CMIP: variants seen among roughly 807,000 people sequenced by gnomAD.
CMIP encodes C-Maf-inducing protein.
A neutral mutation model predicts 97.3 loss-of-function variants in CMIP; 13 were observed. That is an observed-to-expected ratio of 0.13 (90% CI 0.09 to 0.21). The LOEUF is 0.21. Ranked by LOEUF, CMIP falls within the 10% of genes least tolerant of loss-of-function variation. CMIP has a pLI of 1.00. For missense variants in CMIP, 847 were observed against 1,024.9 expected, an observed-to-expected ratio of 0.83 and a Z score of 2.37; for synonymous variants, 538 against 436.3, an observed-to-expected ratio of 1.23 and a Z score of -2.91.
chr16:81,458,737 C>T (rs1053400685), intron 1 of CMIP, among the ~76,000 whole-genome samples: 1 of 152,106 alleles, frequency 6.6e-6, no homozygotes, highest in Non-Finnish European at 1.5e-5. Flanking sequence ...GCTTTTTGAT[C>T]CAGACATTTC....
intron 17 of CMIP, 140 bp from the exon 18 acceptor site, chr16:81,703,799 T>G: frequency 8.6e-7 from 1 of 1,164,222 alleles, no homozygotes; most frequent in Non-Finnish European, 1.2e-6. Context: ...TGTGCCCCCA[T>G]CTCAGCTCCT....
At chr16:81,486,366 G>A (rs1262883838) in intron 1 of CMIP, among the ~76,000 whole-genome samples, 1 of 152,174 alleles carries the variant, frequency 6.6e-6, no homozygotes, top group Non-Finnish European at 1.5e-5. Flanking sequence ...AGATATGATC[G>A]CGCCCATTTG....
rs185295660 is a variant in CMIP, at chr16:81,604,500, C to A, written c.301-3067C>A. Among the ~76,000 whole-genome samples, 1,251 of 151,416 alleles carry A rather than the reference C, an allele frequency of 8.3e-3. 8 individuals carry two copies. The highest frequency in any genetic ancestry group is 0.014 in the Non-Finnish European group (952 of 67,948). ...GGATCACAAGGTCAGGAGTTCAAGACCAGCCTGGCCAAGATGGTGAAACCC... is the reference window on the plus strand; with the variant it reads ...GGATCACAAGGTCAGGAGTTCAAGAACAGCCTGGCCAAGATGGTGAAACCC... On this transcript the variant is annotated intron_variant, in intron 1 of 20. Transcript: ENST00000537098.
At chr16:81,485,807 G>A (rs1251583142) in intron 1 of CMIP, among the ~76,000 whole-genome samples, 4 of 152,232 alleles carry the variant, frequency 2.6e-5, no homozygotes, top group Admixed American at 2.0e-4. Flanking sequence ...GGAAGCTGAG[G>A]CGAAAGAGCT....
Position 81,668,431 on chromosome 16 carries a change from C to A in CMIP, c.826-1711C>A, listed in dbSNP as rs561264568. Among the ~76,000 whole-genome samples, 171 of 152,308 alleles carry A rather than the reference C, an allele frequency of 1.1e-3. 1 individual carries two copies. The highest frequency in any genetic ancestry group is 2.0e-3 in the Non-Finnish European group (138 of 68,012). The stretch of plus-strand genomic sequence containing the variant: ...CTGCTCCTGGCAAGCCCCAAGCCCC[C>A]CACTGGGCTGGGCGCCGACTTCCTG... On this transcript the variant is annotated intron_variant, in intron 7 of 20. Transcript: ENST00000537098.
intron 1 of CMIP, among the ~76,000 whole-genome samples, chr16:81,531,923 A>G (rs940695241): frequency 4.6e-5 from 7 of 152,178 alleles, no homozygotes; most frequent in South Asian, 4.1e-4. Context: ...ATTTGCTTAC[A>G]TGGGTTTGGT....
At chr16:81,669,766 C>T (rs1218181105) in intron 7 of CMIP, among the ~76,000 whole-genome samples, 1 of 151,644 alleles carries the variant, frequency 6.6e-6, no homozygotes, top group African/African-American at 2.4e-5. Flanking sequence ...CCTTCCACAC[C>T]CACCTCTCAC....
chr16:81,600,502 A>C (rs570430828), intron 1 of CMIP, among the ~76,000 whole-genome samples: 1 of 152,184 alleles, frequency 6.6e-6, no homozygotes, highest in African/African-American at 2.4e-5. Flanking sequence ...GCCACAAAGT[A>C]TGTGATGTCA....
At chr16:81,490,907 C>G (rs1362158439) in intron 1 of CMIP, among the ~76,000 whole-genome samples, 6 of 152,130 alleles carry the variant, frequency 3.9e-5, no homozygotes, top group African/African-American at 1.4e-4. Flanking sequence ...ACACTTTCTC[C>G]TTTTATCTAG....
In CMIP at chr16:81,616,489, G is replaced by A. The variant is rs1257187748; in HGVS notation, c.427-4387G>A. On this transcript the variant is annotated intron_variant, in intron 2 of 20. Coordinates refer to ENST00000537098, the MANE Select transcript of CMIP (RefSeq NM_198390.3). This position sits in a 1 kb window ranked among gnomAD's most constrained non-coding sequence, Gnocchi z 4.7. ...AGCATTTCTCGTGGTGCCTGGTACC[G>A]AGTAAGCACCCGTGGTCTGTGGTTG... is the stretch of plus-strand genomic sequence containing the variant. Among the ~76,000 whole-genome samples, 10 of 152,262 alleles carry A rather than the reference G, an allele frequency of 6.6e-5. No individual in the cohort carries two copies. The highest frequency in any genetic ancestry group is 1.4e-4 in the African/African-American group (6 of 41,476).
At position 81,607,628 on chromosome 16, in the gene CMIP, C is replaced by G. The variant is rs1009472922; in HGVS notation, c.362C>G (p.Ser121Cys). The G allele has an allele frequency of 1.9e-6, 3 of 1,613,914 alleles. No homozygotes were observed. The African/African-American group carries it at 4.0e-5, about 22-fold the overall frequency. Residue 121 changes from serine (S) to cysteine (C), a missense_variant, in exon 2 of 21, where the codon TCC becomes TGC. By Grantham distance (112) the Ser-to-Cys change is moderately radical (BLOSUM62 -1). Coordinates refer to ENST00000537098, the MANE Select transcript of CMIP (RefSeq NM_198390.3). ...YSAIEDVQLL[S>C]WENAPKYCLQ... The stretch of plus-strand genomic sequence containing the variant: ...GCAATTGAAGACGTTCAGCTGCTGT[C>G]CTGGGAGAATGCCCCGAAGTACTGT...
intron 1 of CMIP, among the ~76,000 whole-genome samples, chr16:81,466,478 C>T (rs1241383287): frequency 6.6e-6 from 1 of 152,174 alleles, no homozygotes; most frequent in Non-Finnish European, 1.5e-5. Flanking sequence ...ATGATCTTGG[C>T]AATGGTTTTG....
At chr16:81,634,016 C>A (rs543714193) in intron 3 of CMIP, among the ~76,000 whole-genome samples, 2 of 152,208 alleles carry the variant, frequency 1.3e-5, no homozygotes, top group Non-Finnish European at 2.9e-5. Flanking sequence ...GATTTTGAAC[C>A]GGTAGCTCAG....
chr16:81,683,258 T>G (rs977405896), intron 10 of CMIP, among the ~76,000 whole-genome samples: 7 of 152,042 alleles, frequency 4.6e-5, no homozygotes, highest in African/African-American at 1.7e-4. Context: ...GCCACAGGGG[T>G]AGGACGCGCT....
intron 1 of CMIP, among the ~76,000 whole-genome samples, chr16:81,585,925 A>T (rs1291653528): frequency 6.6e-6 from 1 of 151,626 alleles, no homozygotes; most frequent in African/African-American, 2.4e-5. Context: ...AGCACTGATC[A>T]CCTCCCCCAT....
chr16:81,504,660 A>AAAG (rs1555524038), intron 1 of CMIP, among the ~76,000 whole-genome samples: 66 of 139,352 alleles, frequency 4.7e-4, no homozygotes, highest in Middle Eastern at 3.8e-3. Context: ...AAAAAAAAAA[A>AAAG]AAAAAAGAAA....
chr16:81,667,679 A>G (rs2092618599), intron 7 of CMIP, among the ~76,000 whole-genome samples: 2 of 150,988 alleles, frequency 1.3e-5, no homozygotes, highest in Admixed American at 1.3e-4. Context: ...AGGCCCAGAG[A>G]CAGACGTGGC....
rs202204640 is a variant in CMIP at position 81,658,017 on chromosome 16, T to TAGCA, written c.681+202_681+203insGCAA. On this transcript the variant is annotated intron_variant, in intron 5 of 20. Transcript: ENST00000537098. ...GCCCCAGTTGATAGGAGCGGGAGTGTAATTGTCTGTCTTTGAGGTTTGTAG... is the reference window on the plus strand; with the variant it reads ...GCCCCAGTTGATAGGAGCGGGAGTGTAGCAAATTGTCTGTCTTTGAGGTTTGTAG... Among the ~76,000 whole-genome samples, 1,239 of 152,284 alleles carry TAGCA rather than the reference T, an allele frequency of 8.1e-3. 15 individuals are homozygous for TAGCA. The highest frequency in any genetic ancestry group is 0.027 in the African/African-American group (1,123 of 41,556).
chr16:81,505,720 G>A (rs555916009), intron 1 of CMIP, among the ~76,000 whole-genome samples: 4 of 152,342 alleles, frequency 2.6e-5, no homozygotes, highest in Admixed American at 6.5e-5. Context: ...GCTGGGCACG[G>A]TGGCTCATGC....
Sources: allele counts gnomAD v4.1 joint callset (sites outside exome capture counted in the v4.1 genomes callset), GRCh38; gene constraint gnomAD v4.1.1; non-coding constraint Gnocchi (gnomAD v3.1); transcripts MANE v1.5; gene names NCBI Gene and HGNC (gene_info 2026-07-23, HGNC 2026-07-21).